Variants in WDFY3 observed in about 807,000 individuals in gnomAD.
WDFY3 encodes the protein WD repeat and FYVE domain-containing protein 3.
WDFY3 carries 66 observed loss-of-function variants against 409.6 expected under a neutral mutation model. The observed-to-expected ratio is 0.16, with a 90% CI of 0.13 to 0.20. The LOEUF (loss-of-function observed/expected upper bound fraction) is 0.20, where lower values mean the gene tolerates loss of function less well. Ranked by LOEUF, WDFY3 falls within the 10% of genes least tolerant of loss-of-function variation. WDFY3 has a pLI of 1.00. For missense variants in WDFY3, 3,031 were observed against 4,298.1 expected (o/e 0.71, Z 8.24); for synonymous variants, 1,521 against 1,537.1 (o/e 0.99, Z 0.25).
intron 35 of WDFY3, among the ~76,000 whole-genome samples, chr4:84,751,954 T>C (rs1740596599): frequency 6.6e-6 from 1 of 152,106 alleles, no homozygotes. Flanking sequence ...CACCTTTAAG[T>C]TGAATTGTAT....
intron 7 of WDFY3, among the ~76,000 whole-genome samples, chr4:84,834,139 A>C (rs1358788399): frequency 4.6e-5 from 7 of 152,200 alleles, no homozygotes; most frequent in Non-Finnish European, 4.4e-5. Flanking sequence ...TAGCGAGACA[A>C]ATGCCAGTTT....
intron 2 of WDFY3, among the ~76,000 whole-genome samples, chr4:84,925,750 T>C (rs1026532635): frequency 1.3e-5 from 2 of 152,086 alleles, no homozygotes; most frequent in Admixed American, 6.6e-5. Flanking sequence ...AGGAGATGCA[T>C]ATTAAAGTAT....
At chr4:84,728,711 G>C (rs868549044) in intron 44 of WDFY3, among the ~76,000 whole-genome samples, 39 of 152,100 alleles carry the variant, frequency 2.6e-4, no homozygotes, top group Middle Eastern at 3.4e-3. Context: ...ATATGATACA[G>C]TGTTGATTTA....
intron 3 of WDFY3, among the ~76,000 whole-genome samples, chr4:84,885,081 C>T (rs1340773352): frequency 6.6e-6 from 1 of 151,972 alleles, no homozygotes; most frequent in Non-Finnish European, 1.5e-5. Context: ...GCTCACTGCA[C>T]CCTCCGCCTC....
At chr4:84,750,542 C>CGGAG (rs1176678041) in intron 36 of WDFY3, among the ~76,000 whole-genome samples, 1 of 152,004 alleles carries the variant, frequency 6.6e-6, no homozygotes, top group Admixed American at 6.6e-5. Context: ...GAAAAGCAGT[C>CGGAG]TTCTCCACAG....
At chr4:84,784,030 CAT>C (rs1332062790) in intron 24 of WDFY3, among the ~76,000 whole-genome samples, 4 of 152,152 alleles carry the variant, frequency 2.6e-5, no homozygotes, top group African/African-American at 9.7e-5. Flanking sequence ...TGCTAAACCC[CAT>C]AGTCAGTCCT....
chr4:84,761,763 C>T (rs2149362767), intron 32 of WDFY3, among the ~76,000 whole-genome samples: 1 of 152,030 alleles, frequency 6.6e-6, no homozygotes, highest in South Asian at 2.1e-4. Flanking sequence ...AACAAATTTA[C>T]AAGAAAAAAA....
At chr4:84,904,639 T>C (rs999954854) in intron 2 of WDFY3, among the ~76,000 whole-genome samples, 5 of 152,232 alleles carry the variant, frequency 3.3e-5, no homozygotes, top group African/African-American at 1.2e-4. Context: ...TTCTGTGCTG[T>C]GGTTTGTCTT....
chr4:84,875,946 T>C (rs1163629498), intron 3 of WDFY3, among the ~76,000 whole-genome samples: 3 of 152,190 alleles, frequency 2.0e-5, no homozygotes, highest in Non-Finnish European at 2.9e-5. Flanking sequence ...GTTTTCTTTT[T>C]ATAAGTGGGA....
In WDFY3 at chr4:84,808,351, T is replaced by C; in HGVS notation, c.2412A>G (p.Pro804=). Residue 804 remains proline, a synonymous_variant, in exon 15 of 68, where the codon CCA becomes CCG. Transcript: ENST00000295888. ...ATCAGTACCTTTTCCTGGACAAAGCTGGTGTACCCCAAGGAGAGGGGAGAG... is the reference window on the plus strand; with the variant it reads ...ATCAGTACCTTTTCCTGGACAAAGCCGGTGTACCCCAAGGAGAGGGGAGAG... ...ESSLPSPWGT[P]ALSRKRHAYH... The C allele has an allele frequency of 6.2e-7, 1 of 1,613,788 alleles. No homozygotes were observed.
rs2149930856 is a variant in WDFY3 at position 84,831,597 on chromosome 4, C to T, written c.585G>A (p.Val195=). ...LLQKVFVQIL[V]KLCSFVSPAE... ...CAGGGGAAACAAAACTGCACAGTTT[C>T]ACTAAGATCTAAAAAATAAAACAAA... Residue 195 remains valine, a synonymous_variant, in exon 8 of 68, where the codon GTG becomes GTA. Coordinates refer to ENST00000295888, the MANE Select transcript of WDFY3 (RefSeq NM_014991.6). 1.9e-6 allele frequency: 3 copies of T among 1,606,436 alleles called. No individual in the cohort carries two copies. Among genetic ancestry groups the T allele is most frequent in the Non-Finnish European group, 2.6e-6 (3 of 1,176,430 alleles).
intron 27 of WDFY3, among the ~76,000 whole-genome samples, chr4:84,777,277 T>C (rs1473168250): frequency 1.3e-5 from 2 of 151,752 alleles, no homozygotes; most frequent in African/African-American, 2.4e-5. Context: ...GAGGATCAAC[T>C]CCACAGAGAT....
chr4:84,898,259 G>A (rs1473011922), intron 2 of WDFY3, among the ~76,000 whole-genome samples: 1 of 152,092 alleles, frequency 6.6e-6, no homozygotes, highest in African/African-American at 2.4e-5. Flanking sequence ...GCTGGCTTGG[G>A]GGTAAATGAA....
intron 2 of WDFY3, among the ~76,000 whole-genome samples, chr4:84,900,580 A>T (rs1766221631): frequency 6.6e-6 from 1 of 152,208 alleles, no homozygotes; most frequent in Non-Finnish European, 1.5e-5. Flanking sequence ...GAGTCAAATG[A>T]ACCAGTCTCA....
intron 1 of WDFY3, among the ~76,000 whole-genome samples, chr4:84,962,675 C>CA (rs1775059417): frequency 7.3e-6 from 1 of 136,218 alleles, no homozygotes; most frequent in Non-Finnish European, 1.6e-5. Flanking sequence ...GGAGCCATTT[C>CA]TTTTTTTTTT....
At chr4:84,702,031 C>T (rs940327863) in intron 56 of WDFY3, among the ~76,000 whole-genome samples, 6 of 152,118 alleles carry the variant, frequency 3.9e-5, no homozygotes, top group Admixed American at 6.5e-5. Context: ...TATTTAGAGA[C>T]GGAGTCTCGC....
intron 30 of WDFY3, among the ~76,000 whole-genome samples, chr4:84,770,194 A>G (rs1200273955): frequency 6.6e-6 from 1 of 151,448 alleles, no homozygotes; most frequent in Non-Finnish European, 1.5e-5. Flanking sequence ...ACGCCTGGCT[A>G]ATTTTTTTGT....
intron 67 of WDFY3, among the ~76,000 whole-genome samples, chr4:84,676,177 AC>A (rs1429047421): frequency 2.6e-5 from 4 of 152,194 alleles, no homozygotes; most frequent in African/African-American, 9.7e-5. Flanking sequence ...TATATAAAAA[AC>A]AAAGGTGTAC....
chr4:84,735,097 A>C lies in WDFY3; in HGVS notation c.6939T>G (p.Thr2313=). The change falls in exon 43 of 68, where the codon ACT becomes ACG. Residue 2313 remains threonine (T), a synonymous_variant. Transcript: ENST00000295888. ...CTAAGTCACGAACAACAGCAATGTG[A>C]GTAAACATCCACTGCGAAATCTCCT... The part of the protein sequence containing the change: ...STQEISQWMF[T]HIAVVRDLVD... 1 of 1,613,292 alleles carries C rather than the reference A, an allele frequency of 6.2e-7. No individual in the cohort carries two copies. Among genetic ancestry groups the C allele is most frequent in the Non-Finnish European group, 8.5e-7 (1 of 1,179,904 alleles).
Sources: allele counts gnomAD v4.1 joint callset (sites outside exome capture counted in the v4.1 genomes callset), GRCh38; gene constraint gnomAD v4.1.1; transcripts MANE v1.5; gene names NCBI Gene and HGNC (gene_info 2026-07-23, HGNC 2026-07-21).